CSMD2: variants seen among roughly 807,000 people sequenced by gnomAD.
The protein encoded by CSMD2 is CUB and sushi domain-containing protein 2.
A neutral mutation model predicts 398.5 loss-of-function variants in CSMD2; 130 were observed. The observed-to-expected ratio is 0.33, with a 90% CI of 0.28 to 0.38. CSMD2 has a LOEUF of 0.38. Ranked by LOEUF, CSMD2 falls within the 10% of genes least tolerant of loss-of-function variation. The probability of loss-of-function intolerance (pLI) is 1.00; values close to 1 mark genes in which losing one functional copy is unlikely to be tolerated. For synonymous variants in CSMD2, 1,828 were observed against 1,908.5 expected (o/e 0.96, Z 1.10); for missense variants, 3,829 against 4,764.9 (o/e 0.80, Z 5.78).
In CSMD2 at chr1:33,620,309, C is replaced by T. The variant is rs1024782396; in HGVS notation, c.5827+1858G>A. Among the ~76,000 whole-genome samples the T allele has an allele frequency of 2.6e-5, 4 of 152,186 alleles. No individual in the cohort carries two copies. In the South Asian group the frequency reaches 8.3e-4, roughly 31 times the overall value. On this transcript the variant is annotated intron_variant, in intron 37 of 70. Coordinates refer to ENST00000373381, the MANE Select transcript of CSMD2 (RefSeq NM_001281956.2). ...ACAATAGCAGTTAATTCTCTATTGT[C>T]TGTGAGCTCTTTGTAGATTATCCTA...
chr1:33,900,389 G>C (rs892280134), intron 5 of CSMD2, among the ~76,000 whole-genome samples: 1 of 152,186 alleles, frequency 6.6e-6, no homozygotes. Flanking sequence ...AGGATTTAGA[G>C]TCCAGATGAT....
intron 46 of CSMD2, 105 bp downstream of exon 46, chr1:33,586,399 G>T: frequency 1.4e-6 from 1 of 695,970 alleles, no homozygotes. Context: ...TCATGTTATG[G>T]GGCAGTGACT....
chr1:34,061,215 C>T (rs1035947502), intron 2 of CSMD2, among the ~76,000 whole-genome samples: 2 of 152,206 alleles, frequency 1.3e-5, no homozygotes, highest in Admixed American at 6.5e-5. Flanking sequence ...AACAAAGAAA[C>T]TCCATAGTCC....
At chr1:33,872,823 G>T (rs1640568195) in intron 5 of CSMD2, among the ~76,000 whole-genome samples, 1 of 152,156 alleles carries the variant, frequency 6.6e-6, no homozygotes, top group Non-Finnish European at 1.5e-5. Context: ...GAAAAAGGAA[G>T]GATTACTCAG....
At chr1:33,939,998 G>T (rs1335229233) in intron 3 of CSMD2, among the ~76,000 whole-genome samples, 1 of 152,194 alleles carries the variant, frequency 6.6e-6, no homozygotes, top group South Asian at 2.1e-4. Context: ...AAACTAGGTG[G>T]CTGAAAACAA....
At chr1:33,822,623 G>C (rs1291423455) in intron 7 of CSMD2, among the ~76,000 whole-genome samples, 2 of 152,114 alleles carry the variant, frequency 1.3e-5, no homozygotes, top group African/African-American at 4.8e-5. Context: ...GTTCCCACCA[G>C]TCCAGACACC....
intron 25 of CSMD2, among the ~76,000 whole-genome samples, chr1:33,684,925 G>T (rs183449120): frequency 3.4e-4 from 52 of 152,340 alleles, no homozygotes; most frequent in Middle Eastern, 3.4e-3. Context: ...TGGGTTGGAT[G>T]ATCTGTGCTT....
chr1:33,844,628 CTGCAAATCCTGGCTCCTACATACTA>C (rs1283974771), intron 6 of CSMD2, among the ~76,000 whole-genome samples: 1 of 152,170 alleles, frequency 6.6e-6, no homozygotes, highest in African/African-American at 2.4e-5. Context: ...CACTGCTGGG[CTGCAAATCCTGGCTCCTACATACTA>C]TTAATGAGAC....
At chr1:33,788,964 C>T (rs1197039332) in intron 11 of CSMD2, among the ~76,000 whole-genome samples, 1 of 152,158 alleles carries the variant, frequency 6.6e-6, no homozygotes, top group African/African-American at 2.4e-5. Context: ...CTAGCCCTGA[C>T]CCTTGGGCTC....
chr1:34,031,483 A>C (rs907927777), intron 3 of CSMD2, among the ~76,000 whole-genome samples: 4 of 152,158 alleles, frequency 2.6e-5, no homozygotes, highest in African/African-American at 9.7e-5. Flanking sequence ...AGAAGCCCTC[A>C]GCAAAAGACA....
At position 33,918,294 on chromosome 1, in the gene CSMD2, A is replaced by T. The variant is rs756555509; in HGVS notation, c.720T>A (p.Asp240Glu). ...GGCCCCGCAGGGTCCCACCACAGGC[A>T]TCATCAGCTGTGGGCACAGAGAGAA... is the stretch of plus-strand genomic sequence containing the variant. Reference protein sequence around the residue: ...DFPLPSCRADDACGGTLRGQS... With the variant: ...DFPLPSCRADEACGGTLRGQS... Residue 240 changes from aspartate to glutamate, a missense_variant, in exon 5 of 71, where the codon GAT (aspartate) becomes GAA (glutamate). This residue lies in a region of CSMD2 where 2,001 missense variants were observed against 2,567.1 expected (regional missense o/e 0.78). Coordinates refer to ENST00000373381, the MANE Select transcript of CSMD2 (RefSeq NM_001281956.2). 1.2e-6 allele frequency: 2 copies of T among 1,613,690 alleles called. No individual in the cohort carries two copies. The highest frequency in any genetic ancestry group is 1.7e-6 in the Non-Finnish European group (2 of 1,179,940).
At position 33,669,087 on chromosome 1, in the gene CSMD2, A is replaced by G. The variant is rs77805505; in HGVS notation, c.4053-5995T>C. Among the ~76,000 whole-genome samples the G allele has an allele frequency of 3.7e-3, 558 of 152,294 alleles. 4 individuals carry two copies. The highest frequency in any genetic ancestry group is 0.017 in the Middle Eastern group (5 of 294). On this transcript the variant is annotated intron_variant, in intron 25 of 70. Coordinates refer to ENST00000373381, the MANE Select transcript of CSMD2 (RefSeq NM_001281956.2). ...CTGCAGTTGAGAGTGTATTCTCACTATTTTGCTGTGGAGGAACTGAAGTTC... is the reference window on the plus strand; with the variant it reads ...CTGCAGTTGAGAGTGTATTCTCACTGTTTTGCTGTGGAGGAACTGAAGTTC...
At chr1:33,786,223 G>C (rs1236912573) in intron 12 of CSMD2, among the ~76,000 whole-genome samples, 1 of 152,032 alleles carries the variant, frequency 6.6e-6, no homozygotes, top group Non-Finnish European at 1.5e-5. Flanking sequence ...TCAAGTTCAC[G>C]CTATTTACTT....
chr1:34,118,434 CAA>C lies in CSMD2; in HGVS notation c.188-29243_188-29242del, dbSNP rs1180194281. Among the ~76,000 whole-genome samples the C allele has an allele frequency of 4.6e-5, 7 of 152,242 alleles. 1 individual carries two copies. The highest frequency in any genetic ancestry group is 1.7e-4 in the African/African-American group (7 of 41,532). On this transcript the variant is annotated intron_variant, in intron 1 of 70. Coordinates refer to ENST00000373381, the MANE Select transcript of CSMD2 (RefSeq NM_001281956.2). Reference sequence around the variant, plus strand: ...CTTGCCAGAGGACAAGGGAAAGAAACAAAAGTCATCCAAACTAACATTATTTC... The same window carrying C: ...CTTGCCAGAGGACAAGGGAAAGAAACAAGTCATCCAAACTAACATTATTTC...
chr1:33,627,010 A>G (rs922503742), intron 32 of CSMD2, among the ~76,000 whole-genome samples: 3 of 152,310 alleles, frequency 2.0e-5, no homozygotes, highest in Non-Finnish European at 4.4e-5. Flanking sequence ...TAAAAATAGC[A>G]TTGGCCTCTA....
chr1:34,034,514 A>G (rs1650868379), intron 2 of CSMD2, among the ~76,000 whole-genome samples: 1 of 152,192 alleles, frequency 6.6e-6, no homozygotes, highest in Non-Finnish European at 1.5e-5. Flanking sequence ...AGAAAATGAT[A>G]TCGCCAGATA....
intron 2 of CSMD2, among the ~76,000 whole-genome samples, chr1:34,038,330 G>A (rs751743523): frequency 2.0e-5 from 3 of 152,202 alleles, no homozygotes; most frequent in Admixed American, 6.5e-5. Context: ...AGGCAGGTGA[G>A]AGTCCCCTGT....
intron 3 of CSMD2, among the ~76,000 whole-genome samples, chr1:33,978,681 C>T (rs1429507277): frequency 6.6e-6 from 1 of 152,094 alleles, no homozygotes; most frequent in Non-Finnish European, 1.5e-5. Context: ...ACCTAAGAAC[C>T]CTAGAAACTC....
intron 28 of CSMD2, among the ~76,000 whole-genome samples, chr1:33,648,565 G>T (rs530671268): frequency 7.2e-5 from 11 of 152,236 alleles, no homozygotes; most frequent in Admixed American, 3.9e-4. Context: ...AAGGTAATGG[G>T]TTTTTTTCTT....
Sources: allele counts gnomAD v4.1 joint callset (sites outside exome capture counted in the v4.1 genomes callset), GRCh38; gene constraint gnomAD v4.1.1; regional missense constraint gnomAD v4.1.1; transcripts MANE v1.5; gene names NCBI Gene and HGNC (gene_info 2026-07-23, HGNC 2026-07-21).